ARHGAP26: variants seen among roughly 807,000 people sequenced by gnomAD.
ARHGAP26 encodes the protein Rho GTPase activating protein 26, also known as rho GTPase-activating protein 26.
In ARHGAP26, 38 loss-of-function variants were observed where a neutral mutation model predicts 104.8. The ratio of observed to expected loss-of-function variants is 0.36; its 90% CI spans 0.28 to 0.48. The LOEUF is 0.48. Among genes scored for constraint, ARHGAP26 ranks in the 20% least tolerant of loss-of-function variants. The pLI, the probability that ARHGAP26 is intolerant of heterozygous loss-of-function variation, is 0.99. For synonymous variants in ARHGAP26, 341 were observed against 340.0 expected, an observed-to-expected ratio of 1.00 and a Z score of -0.03; for missense variants, 704 against 947.9, an observed-to-expected ratio of 0.74 and a Z score of 3.38.
At chr5:143,046,696 C>CT (rs1277539870) in intron 14 of ARHGAP26, among the ~76,000 whole-genome samples, 3 of 152,170 alleles carry the variant, frequency 2.0e-5, no homozygotes, top group African/African-American at 7.2e-5. Flanking sequence ...TTTAGCCCAA[C>CT]TTTTTTATCT....
At chr5:143,088,648 T>A (rs1239922074) in intron 17 of ARHGAP26, among the ~76,000 whole-genome samples, 1 of 152,214 alleles carries the variant, frequency 6.6e-6, no homozygotes. Context: ...TAAAATTTTC[T>A]TTATAATTCT....
chr5:143,012,636 G>A (rs1407411719), intron 11 of ARHGAP26, among the ~76,000 whole-genome samples: 1 of 129,794 alleles, frequency 7.7e-6, no homozygotes, highest in Non-Finnish European at 1.7e-5. Flanking sequence ...CCAAAGAAGG[G>A]CTTGGGTTCT....
rs150128283 is a variant in ARHGAP26, at chr5:143,224,269, G to C, written c.*1823G>C. On this transcript the variant is annotated 3_prime_UTR_variant, in exon 23 of 23. Transcript: ENST00000645722. Reference sequence around the variant, plus strand: ...GAGAGAGGGGAGGCAAAGCTGAAGAGAGTCAAGGTCACTGTCCCCGCTTCG... The same window carrying C: ...GAGAGAGGGGAGGCAAAGCTGAAGACAGTCAAGGTCACTGTCCCCGCTTCG... The C allele has an allele frequency of 8.6e-6, 2 of 232,112 alleles. No homozygotes were observed. The highest frequency in any genetic ancestry group is 4.4e-5 in the African/African-American group (2 of 45,274). 14.4% of individuals were successfully genotyped at this position (232,112 alleles called of 1,614,324 possible).
At chr5:142,773,826 CA>C (rs1755747685) in intron 1 of ARHGAP26, among the ~76,000 whole-genome samples, 1 of 152,082 alleles carries the variant, frequency 6.6e-6, no homozygotes, top group Admixed American at 6.5e-5. Flanking sequence ...ACAGAGAGGC[CA>C]AAAACCTGTT....
rs1465249698 is a variant in ARHGAP26, at chr5:143,083,314, C to T, written c.1538+25567C>T. On this transcript the variant is annotated intron_variant, in intron 17 of 22. Transcript: ENST00000645722. ...GTAACCGGCCTAATGATCAGTTTTA[C>T]TCCTGCCAAATTTATCTTTGTCTCG... Among the ~76,000 whole-genome samples, 6 of 152,202 alleles carry T rather than the reference C, an allele frequency of 3.9e-5. No individual in the cohort carries two copies. The East Asian group carries it at 1.2e-3, about 29-fold the overall frequency.
chr5:142,981,295 A>G (rs1598471990), intron 11 of ARHGAP26, among the ~76,000 whole-genome samples: 1 of 152,228 alleles, frequency 6.6e-6, no homozygotes, highest in South Asian at 2.1e-4. Context: ...GGGGATAATA[A>G]CAGTGTCTAT....
intron 12 of ARHGAP26, among the ~76,000 whole-genome samples, chr5:143,031,369 G>C (rs537841621): frequency 1.3e-4 from 20 of 152,224 alleles, no homozygotes; most frequent in Non-Finnish European, 2.4e-4. Context: ...GACCAGCCAG[G>C]AGGTTAATGC....
At chr5:142,933,447 G>A (rs1234116863) in intron 11 of ARHGAP26, among the ~76,000 whole-genome samples, 2 of 152,142 alleles carry the variant, frequency 1.3e-5, no homozygotes, top group East Asian at 3.9e-4. Context: ...TATTAGTAGG[G>A]TACAGGCTAG....
intron 1 of ARHGAP26, among the ~76,000 whole-genome samples, chr5:142,781,479 T>C (rs1757477453): frequency 6.6e-6 from 1 of 152,154 alleles, no homozygotes; most frequent in Admixed American, 6.5e-5. Flanking sequence ...ATGAGAGTCA[T>C]TCTCTTCTTA....
chr5:142,863,387 G>A (rs931982236), intron 1 of ARHGAP26, among the ~76,000 whole-genome samples: 4 of 152,176 alleles, frequency 2.6e-5, no homozygotes, highest in African/African-American at 9.7e-5. Context: ...GATTACAGGC[G>A]TGAGCCACTG....
intron 4 of ARHGAP26, among the ~76,000 whole-genome samples, chr5:142,882,633 G>A (rs937633846): frequency 6.6e-6 from 1 of 152,194 alleles, no homozygotes; most frequent in African/African-American, 2.4e-5. Flanking sequence ...TTCTTGATAA[G>A]AAGGAGGCAG....
chr5:143,050,000 C>T (rs1784773559), intron 14 of ARHGAP26, among the ~76,000 whole-genome samples: 1 of 152,146 alleles, frequency 6.6e-6, no homozygotes, highest in Admixed American at 6.5e-5. Context: ...CTTATGACAG[C>T]TCTGGGTGCC....
At chr5:142,843,423 G>T (rs1438319156) in intron 1 of ARHGAP26, among the ~76,000 whole-genome samples, 1 of 152,206 alleles carries the variant, frequency 6.6e-6, no homozygotes, top group African/African-American at 2.4e-5. Context: ...GATTGCTAAG[G>T]CATGCTGTTT....
intron 20 of ARHGAP26, among the ~76,000 whole-genome samples, chr5:143,159,593 C>T (rs1437784337): frequency 6.6e-6 from 1 of 152,192 alleles, no homozygotes; most frequent in Non-Finnish European, 1.5e-5. Context: ...TTACCAACAT[C>T]TAGGCCCCTT....
chr5:143,091,181 C>T (rs533591425), intron 17 of ARHGAP26, among the ~76,000 whole-genome samples: 5 of 152,256 alleles, frequency 3.3e-5, no homozygotes, highest in Admixed American at 2.6e-4. Context: ...TTTCTTGACT[C>T]GGGTGTGATG....
chr5:142,977,480 A>G (rs1237078116), intron 11 of ARHGAP26, among the ~76,000 whole-genome samples: 1 of 152,060 alleles, frequency 6.6e-6, no homozygotes, highest in Non-Finnish European at 1.5e-5. Flanking sequence ...AAAAGCACGT[A>G]GATGGTTGTT....
intron 1 of ARHGAP26, among the ~76,000 whole-genome samples, chr5:142,837,007 C>T (rs1440292940): frequency 6.6e-6 from 1 of 152,166 alleles, no homozygotes; most frequent in East Asian, 1.9e-4. Context: ...TTGATGTGTC[C>T]TTCAGGCACC....
Position 143,223,934 on chromosome 5 carries a change from T to C in ARHGAP26, c.*1488T>C, listed in dbSNP as rs1811457742. The stretch of plus-strand genomic sequence containing the variant: ...TATCCGTATCTTCCACATGTGAATG[T>C]CATTGCAAGGGTGACTCTAGACAAA... On this transcript the variant is annotated 3_prime_UTR_variant, in exon 23 of 23. Coordinates refer to ENST00000645722, the MANE Select transcript of ARHGAP26 (RefSeq NM_001135608.3). 4.3e-6 allele frequency: 1 copy of C among 231,818 alleles called. No individual in the cohort carries two copies. The highest frequency in any genetic ancestry group is 8.5e-6 in the Non-Finnish European group (1 of 116,982). 14.4% of individuals were successfully genotyped at this position (231,818 alleles called of 1,614,324 possible).
chr5:143,009,916 T>C (rs906144591), intron 11 of ARHGAP26, among the ~76,000 whole-genome samples: 11 of 152,152 alleles, frequency 7.2e-5, no homozygotes, highest in Admixed American at 7.2e-4. Context: ...CCTTGTCCGC[T>C]TGGGTTGCTC....
Sources: gnomAD v4.1 joint callset for allele counts (sites outside exome capture counted in the v4.1 genomes callset) on GRCh38, gnomAD v4.1.1 for gene constraint, MANE v1.5 for transcripts, NCBI Gene and HGNC (gene_info 2026-07-23, HGNC 2026-07-21) for gene names.